NTN1: variants seen among roughly 807,000 people sequenced by gnomAD.
NTN1 encodes netrin 1.
Under a neutral mutation model 54.2 loss-of-function variants are expected in NTN1, and 11 were observed. That is an observed-to-expected ratio of 0.20 (90% CI 0.13 to 0.34). NTN1 has a LOEUF of 0.34. Ranked by LOEUF, NTN1 falls within the 10% of genes least tolerant of loss-of-function variation. The pLI is 1.00. For missense variants in NTN1, 740 were observed against 893.1 expected, an observed-to-expected ratio of 0.83 and a Z score of 2.18; for synonymous variants, 371 against 382.0, an observed-to-expected ratio of 0.97 and a Z score of 0.33.
Position 9,069,439 on chromosome 17 carries a change from G to A in NTN1, c.1018+46048G>A, listed in dbSNP as rs530848261. ...TGAACATTTTCTCATTTCGTATTTC[G>A]TAATGAGGAAACCTTAGCAGAACCT... On this transcript the variant is annotated intron_variant, in intron 2 of 6. Coordinates refer to ENST00000173229, the MANE Select transcript of NTN1 (RefSeq NM_004822.3). Among the ~76,000 whole-genome samples, 25 of 152,190 alleles carry A rather than the reference G, an allele frequency of 1.6e-4. No homozygotes were observed. The South Asian group carries it at 2.7e-3, about 16-fold the overall frequency.
At chr17:9,055,652 G>A (rs1431958874) in intron 2 of NTN1, among the ~76,000 whole-genome samples, 1 of 152,192 alleles carries the variant, frequency 6.6e-6, no homozygotes, top group Non-Finnish European at 1.5e-5. Flanking sequence ...GTGGAGGAAG[G>A]TGGGAAGAGG....
upstream of NTN1, among the ~76,000 whole-genome samples, chr17:9,017,581 G>A (rs2091834462): frequency 6.6e-6 from 1 of 152,174 alleles, no homozygotes; most frequent in African/African-American, 2.4e-5. Flanking sequence ...CCCTCCTAGG[G>A]TGATCCGTCT....
chr17:9,091,943 T>C (rs577316441), intron 2 of NTN1, among the ~76,000 whole-genome samples: 54 of 152,164 alleles, frequency 3.5e-4, no homozygotes, highest in Non-Finnish European at 6.5e-4. Context: ...AGCTACCTCA[T>C]ATCAGTGGAA....
intron 2 of NTN1, among the ~76,000 whole-genome samples, chr17:9,096,611 T>G (rs2092132889): frequency 6.6e-6 from 1 of 152,114 alleles, no homozygotes; most frequent in South Asian, 2.1e-4. Flanking sequence ...GACCTTGTGA[T>G]CCACCCGCCT....
chr17:9,174,221 C>T (rs982324815), intron 3 of NTN1: 2 of 152,300 alleles, frequency 1.3e-5, no homozygotes, highest in Non-Finnish European at 2.9e-5. Context: ...TTTTGGGGAC[C>T]CTCAGAGACA....
intron 2 of NTN1, among the ~76,000 whole-genome samples, chr17:9,037,320 T>C (rs2091906555): frequency 6.6e-6 from 1 of 152,248 alleles, no homozygotes; most frequent in African/African-American, 2.4e-5. Flanking sequence ...TGATCTCAAC[T>C]TCTTGGGGAT....
chr17:9,154,442 C>T (rs745768254), intron 2 of NTN1, among the ~76,000 whole-genome samples: 2 of 152,210 alleles, frequency 1.3e-5, no homozygotes, highest in South Asian at 2.1e-4. Flanking sequence ...TATGTATGAT[C>T]GTTTCTCTTA....
intron 2 of NTN1, among the ~76,000 whole-genome samples, chr17:9,108,279 G>T (rs1268251446): frequency 6.6e-6 from 1 of 152,152 alleles, no homozygotes; most frequent in Non-Finnish European, 1.5e-5. Flanking sequence ...AGTTACAGAA[G>T]CAGGCGGTGG....
chr17:9,173,401 C>T (rs1039695418), intron 3 of NTN1: 1 of 152,524 alleles, frequency 6.6e-6, no homozygotes, highest in African/African-American at 2.4e-5. Context: ...GCCTGACACC[C>T]ACCAGAGATA....
the NTN1 span, among the ~76,000 whole-genome samples, chr17:9,011,287 C>T: frequency 6.6e-6 from 1 of 152,084 alleles, no homozygotes; most frequent in Non-Finnish European, 1.5e-5. Context: ...GGTTAGGGAC[C>T]CCCGCTGTAG....
intron 2 of NTN1, among the ~76,000 whole-genome samples, chr17:9,042,860 A>G (rs570486386): frequency 2.0e-5 from 3 of 152,160 alleles, no homozygotes; most frequent in South Asian, 2.1e-4. Flanking sequence ...GGCTGTTTTA[A>G]CCTTATAAAA....
intron 2 of NTN1, among the ~76,000 whole-genome samples, chr17:9,069,839 AT>A (rs2142214381): frequency 6.6e-6 from 1 of 152,346 alleles, no homozygotes; most frequent in Non-Finnish European, 1.5e-5. Flanking sequence ...ATCTTGATGT[AT>A]TCTACCTTTG....
intron 3 of NTN1, 42 bp from the exon 4 acceptor site, chr17:9,179,765 G>T (rs545845629): frequency 2.5e-6 from 4 of 1,594,720 alleles, no homozygotes; most frequent in African/African-American, 1.3e-5. Flanking sequence ...TGCACTGGCC[G>T]CTTCCCCCTT....
chr17:9,056,926 C>T (rs1197660572), intron 2 of NTN1, among the ~76,000 whole-genome samples: 3 of 152,206 alleles, frequency 2.0e-5, no homozygotes, highest in East Asian at 1.9e-4. Flanking sequence ...CAACGCCTTT[C>T]GTGCCTGCGT....
chr17:9,018,579 G>A (rs2091836661), upstream of NTN1, among the ~76,000 whole-genome samples: 1 of 144,566 alleles, frequency 6.9e-6, no homozygotes, highest in Admixed American at 7.2e-5. Flanking sequence ...GGTTGAGAAT[G>A]CGCCATTGCA....
chr17:9,232,757 C>T (rs1035760050), intron 6 of NTN1, among the ~76,000 whole-genome samples: 1 of 152,118 alleles, frequency 6.6e-6, no homozygotes, highest in Non-Finnish European at 1.5e-5. Flanking sequence ...CCGGGTGTGG[C>T]GGCCCCCTCT....
At chr17:9,096,373 T>A (rs1207548251) in intron 2 of NTN1, among the ~76,000 whole-genome samples, 1 of 131,476 alleles carries the variant, frequency 7.6e-6, no homozygotes, top group Non-Finnish European at 1.6e-5. Flanking sequence ...AGACTTTTTT[T>A]TTTTTTTTTT....
At chr17:9,017,293 C>T (rs750521794), upstream of NTN1, among the ~76,000 whole-genome samples, 8 of 152,206 alleles carry the variant, frequency 5.3e-5, no homozygotes, top group Non-Finnish European at 1.0e-4. Context: ...TCCACTTTCT[C>T]ACCTCCCGTT....
At position 9,048,544 on chromosome 17, in the gene NTN1, C is replaced by T. The variant is rs552603162; in HGVS notation, c.1018+25153C>T. The stretch of plus-strand genomic sequence containing the variant: ...CTGTATTAGCCCCTACATAATCAGC[C>T]TGTCCTTTGAAGCTAGGCATTGACT... On this transcript the variant is annotated intron_variant, in intron 2 of 6. Coordinates refer to ENST00000173229, the MANE Select transcript of NTN1 (RefSeq NM_004822.3). 5.3e-5 allele frequency among the ~76,000 whole-genome samples: 8 copies of T among 152,260 alleles called. No individual in the cohort carries two copies. The South Asian group carries it at 1.7e-3, about 32-fold the overall frequency.
Sources: allele counts gnomAD v4.1 joint callset (sites outside exome capture counted in the v4.1 genomes callset), GRCh38; gene constraint gnomAD v4.1.1; transcripts MANE v1.5; gene names NCBI Gene and HGNC (gene_info 2026-07-23, HGNC 2026-07-21).